The following CPA6 variants were observed in gnomAD, a reference collection of about 807,000 sequenced individuals.
The protein encoded by CPA6 is carboxypeptidase B.
A neutral mutation model predicts 63.3 loss-of-function variants in CPA6; 58 were observed. That is an observed-to-expected ratio of 0.92 (90% confidence interval 0.74 to 1.14). The LOEUF is 1.14. CPA6 is among the 50% of genes most tolerant of loss of function. The pLI, the probability that CPA6 is intolerant of heterozygous loss-of-function variation, is 0.00. For synonymous variants in CPA6, 185 were observed against 179.0 expected, an observed-to-expected ratio of 1.03 and a Z score of -0.27; for missense variants, 565 against 526.6, an observed-to-expected ratio of 1.07 and a Z score of -0.71.
intron 1 of CPA6, among the ~76,000 whole-genome samples, chr8:67,694,133 C>T (rs1816866339): frequency 1.3e-5 from 2 of 152,162 alleles, no homozygotes; most frequent in South Asian, 4.1e-4. Flanking sequence ...TTGAGTGGGG[C>T]CCAGAACAAG....
chr8:67,448,324 A>C (rs1441471663), intron 8 of CPA6, among the ~76,000 whole-genome samples: 1 of 152,176 alleles, frequency 6.6e-6, no homozygotes, highest in African/African-American at 2.4e-5. Context: ...AATTTCATAT[A>C]ATCACTATGT....
At chr8:67,608,347 A>G (rs1160133351) in intron 2 of CPA6, among the ~76,000 whole-genome samples, 1 of 152,218 alleles carries the variant, frequency 6.6e-6, no homozygotes, top group Non-Finnish European at 1.5e-5. Flanking sequence ...GCAGAGCCAC[A>G]TGGCAGAGAA....
chr8:67,425,582 G>T (rs1352273551), intron 10 of CPA6, among the ~76,000 whole-genome samples: 1 of 152,152 alleles, frequency 6.6e-6, no homozygotes, highest in Non-Finnish European at 1.5e-5. Context: ...CACCATGTTA[G>T]CCAGGCTGGT....
chr8:67,633,969 A>G (rs1278224302), intron 1 of CPA6, among the ~76,000 whole-genome samples: 1 of 151,872 alleles, frequency 6.6e-6, no homozygotes, highest in Non-Finnish European at 1.5e-5. Flanking sequence ...CTAAGTGCGG[A>G]TATGTGAATT....
rs529203439 is a variant in CPA6 at position 67,587,932 on chromosome 8, G to C, written c.192+36244C>G. On this transcript the variant is annotated intron_variant, in intron 2 of 10. Transcript: ENST00000297770. ...CCAGCTGTAATGCTGGCTGTTAATC[G>C]CATAGCTAGTGCCATTGGTTGAATG... Among the ~76,000 whole-genome samples, 19 of 152,220 alleles carry C rather than the reference G, an allele frequency of 1.2e-4. 1 individual carries two copies. The East Asian group carries it at 3.7e-3, about 29-fold the overall frequency.
At chr8:67,730,118 T>C (rs552456566) in intron 1 of CPA6, among the ~76,000 whole-genome samples, 15 of 152,324 alleles carry the variant, frequency 9.8e-5, no homozygotes, top group Non-Finnish European at 2.1e-4. Flanking sequence ...CCAGATCTCA[T>C]AGGTTAGTGG....
chr8:67,657,882 G>A (rs756020124), intron 1 of CPA6, among the ~76,000 whole-genome samples: 3 of 152,172 alleles, frequency 2.0e-5, no homozygotes, highest in Non-Finnish European at 4.4e-5. Context: ...GGCTTTGTGA[G>A]ATGCACCTTT....
chr8:67,618,110 A>G (rs750904293), intron 2 of CPA6, among the ~76,000 whole-genome samples: 5 of 152,192 alleles, frequency 3.3e-5, no homozygotes, highest in Admixed American at 1.3e-4. Flanking sequence ...TGGTGCCCAG[A>G]TTAGCATTTC....
chr8:67,576,267 A>C (rs1446844772), intron 2 of CPA6, among the ~76,000 whole-genome samples: 1 of 152,248 alleles, frequency 6.6e-6, no homozygotes, highest in Non-Finnish European at 1.5e-5. Context: ...GTATTAAAAA[A>C]ATCCTAGCAT....
At chr8:67,546,952 G>A (rs1283368489) in intron 2 of CPA6, among the ~76,000 whole-genome samples, 1 of 152,194 alleles carries the variant, frequency 6.6e-6, no homozygotes, top group Non-Finnish European at 1.5e-5. Flanking sequence ...AGCCTTCCAA[G>A]TCACTGGAAC....
chr8:67,711,441 A>G (rs764106212), intron 1 of CPA6, among the ~76,000 whole-genome samples: 9 of 152,164 alleles, frequency 5.9e-5, no homozygotes, highest in Non-Finnish European at 8.8e-5. Flanking sequence ...TTTTTAACTC[A>G]TGGTACTGAT....
At chr8:67,563,580 G>T (rs1303201933) in intron 2 of CPA6, among the ~76,000 whole-genome samples, 1 of 152,118 alleles carries the variant, frequency 6.6e-6, no homozygotes, top group African/African-American at 2.4e-5. Flanking sequence ...TGGAGTTTGG[G>T]TAGGGAGAAG....
At chr8:67,613,803 C>T (rs1338307657) in intron 2 of CPA6, among the ~76,000 whole-genome samples, 1 of 152,172 alleles carries the variant, frequency 6.6e-6, no homozygotes, top group Non-Finnish European at 1.5e-5. Flanking sequence ...GCCTGCTATG[C>T]CCCCTATCCT....
In CPA6 at chr8:67,569,472, A is replaced by T. The variant is rs1813429020; in HGVS notation, c.193-51425T>A. On this transcript the variant is annotated intron_variant, in intron 2 of 10. Coordinates refer to ENST00000297770, the MANE Select transcript of CPA6 (RefSeq NM_020361.5). ...CTACGGAGCATAAGTAGCCAGAGCCACAGGCTAAGACAGGGTCTGTAACAG... is the reference window on the plus strand; with the variant it reads ...CTACGGAGCATAAGTAGCCAGAGCCTCAGGCTAAGACAGGGTCTGTAACAG... 3 of 289,198 alleles carry T rather than the reference A, an allele frequency of 1.0e-5. No individual in the cohort carries two copies. The Admixed American group carries it at 1.1e-4, about 11-fold the overall frequency. 17.9% of individuals were successfully genotyped at this position (289,198 alleles called of 1,614,324 possible).
chr8:67,529,803 T>G (rs1473412585), intron 2 of CPA6, among the ~76,000 whole-genome samples: 1 of 152,062 alleles, frequency 6.6e-6, no homozygotes, highest in Non-Finnish European at 1.5e-5. Context: ...GGCCCAATGA[T>G]CCAATCATAC....
chr8:67,590,103 T>C (rs893138890), intron 2 of CPA6, among the ~76,000 whole-genome samples: 4 of 151,072 alleles, frequency 2.6e-5, no homozygotes, highest in Admixed American at 6.6e-5. Flanking sequence ...TGTGTTCTCA[T>C]TGTTCAATTC....
chr8:67,639,096 C>A (rs1426378423), intron 1 of CPA6, among the ~76,000 whole-genome samples: 1 of 151,596 alleles, frequency 6.6e-6, no homozygotes, highest in Non-Finnish European at 1.5e-5. Flanking sequence ...CAGAATTAGG[C>A]CTGTAGAGCC....
chr8:67,525,464 G>A (rs1490056233), intron 2 of CPA6, among the ~76,000 whole-genome samples: 1 of 152,140 alleles, frequency 6.6e-6, no homozygotes, highest in Non-Finnish European at 1.5e-5. Context: ...AGAAATTAAT[G>A]CCACCAGCCT....
chr8:67,504,736 CA>C (rs1365703424), intron 6 of CPA6, among the ~76,000 whole-genome samples: 1 of 152,120 alleles, frequency 6.6e-6, no homozygotes, highest in Non-Finnish European at 1.5e-5. Context: ...TCCTTTGTTC[CA>C]TTTCTGGTTG....
Sources: allele counts gnomAD v4.1 joint callset (sites outside exome capture counted in the v4.1 genomes callset), GRCh38; gene constraint gnomAD v4.1.1; transcripts MANE v1.5; gene names NCBI Gene and HGNC (gene_info 2026-07-23, HGNC 2026-07-21).